Variants in GRM8 observed in about 807,000 individuals in gnomAD.
GRM8 encodes the protein metabotropic glutamate receptor 8.
A neutral mutation model predicts 87.2 loss-of-function variants in GRM8; 47 were observed. The ratio of observed to expected loss-of-function variants is 0.54; its 90% CI spans 0.43 to 0.69. The LOEUF is 0.69. GRM8 is among the 30% of genes least tolerant of loss of function. The pLI is 0.00. For missense variants in GRM8, 1,019 were observed against 1,139.2 expected, an observed-to-expected ratio of 0.89 and a Z score of 1.52; for synonymous variants, 396 against 404.5, an observed-to-expected ratio of 0.98 and a Z score of 0.25.
intron 6 of GRM8, among the ~76,000 whole-genome samples, chr7:126,865,939 C>A (rs139854533): frequency 6.6e-6 from 1 of 152,130 alleles, no homozygotes; most frequent in Non-Finnish European, 1.5e-5. Context: ...CTCTTAGGTA[C>A]ACAGCTAAGA....
At chr7:127,011,484 T>C (rs1249751741) in intron 3 of GRM8, among the ~76,000 whole-genome samples, 1 of 152,176 alleles carries the variant, frequency 6.6e-6, no homozygotes, top group African/African-American at 2.4e-5. Flanking sequence ...TATATAATGT[T>C]TATTAAACTA....
intron 2 of GRM8, among the ~76,000 whole-genome samples, chr7:127,107,879 T>C (rs1186627693): frequency 6.6e-6 from 1 of 152,208 alleles, no homozygotes; most frequent in African/African-American, 2.4e-5. Flanking sequence ...TCCTAAAACG[T>C]AAAAGTCATC....
At chr7:126,509,975 A>T (rs1028612450) in intron 9 of GRM8, among the ~76,000 whole-genome samples, 3 of 152,074 alleles carry the variant, frequency 2.0e-5, no homozygotes, top group African/African-American at 7.2e-5. Context: ...GGAAGCTTTA[A>T]GCACATACAC....
At chr7:127,148,431 A>T (rs1387879552) in intron 2 of GRM8, among the ~76,000 whole-genome samples, 1 of 151,962 alleles carries the variant, frequency 6.6e-6, no homozygotes, top group Non-Finnish European at 1.5e-5. Context: ...AAAAAAAATA[A>T]TAAGGAAATA....
chr7:126,657,926 C>T (rs557064546), intron 7 of GRM8, among the ~76,000 whole-genome samples: 7 of 152,330 alleles, frequency 4.6e-5, no homozygotes, highest in Admixed American at 3.3e-4. Context: ...GATTTGTGTT[C>T]TCTAAAGCCG....
chr7:127,066,563 A>G (rs1821137016), intron 3 of GRM8, among the ~76,000 whole-genome samples: 1 of 152,182 alleles, frequency 6.6e-6, no homozygotes, highest in African/African-American at 2.4e-5. Context: ...TGAGTTATAT[A>G]GTGATGTTGT....
intron 7 of GRM8, among the ~76,000 whole-genome samples, chr7:126,623,300 A>G (rs1289010805): frequency 6.6e-6 from 1 of 152,206 alleles, no homozygotes; most frequent in African/African-American, 2.4e-5. Context: ...TAAAAAGTCT[A>G]AATTTTTTTA....
intron 8 of GRM8, among the ~76,000 whole-genome samples, chr7:126,573,609 G>T (rs1033251392): frequency 4.0e-5 from 6 of 150,922 alleles, no homozygotes; most frequent in Admixed American, 6.6e-5. Flanking sequence ...TTTTGAGACA[G>T]AGTCTCACTC....
At chr7:126,634,579 G>T (rs1801662546) in intron 7 of GRM8, among the ~76,000 whole-genome samples, 1 of 152,022 alleles carries the variant, frequency 6.6e-6, no homozygotes, top group Non-Finnish European at 1.5e-5. Flanking sequence ...CTCAAAATTG[G>T]TGTACCAGAG....
intron 2 of GRM8, among the ~76,000 whole-genome samples, chr7:127,150,931 A>T (rs1460906148): frequency 1.3e-5 from 2 of 152,130 alleles, no homozygotes; most frequent in Non-Finnish European, 2.9e-5. Context: ...TGGTGAGTCT[A>T]TGAAATGCTG....
At chr7:127,076,135 C>G in intron 3 of GRM8, 1 of 456,414 alleles carries the variant, frequency 2.2e-6, no homozygotes, top group South Asian at 1.5e-5. Context: ...ACAGTTTGAG[C>G]ATCTGACAGC....
At chr7:126,811,691 A>G (rs568964482) in intron 6 of GRM8, among the ~76,000 whole-genome samples, 5 of 151,984 alleles carry the variant, frequency 3.3e-5, no homozygotes, top group African/African-American at 9.6e-5. Context: ...TACAAAGTTT[A>G]CTTATTTTTA....
At chr7:127,055,924 T>C (rs11563758) in intron 3 of GRM8, among the ~76,000 whole-genome samples, 9,861 of 152,244 alleles carry the variant, frequency 0.065, 332 homozygotes, top group South Asian at 0.13. Flanking sequence ...TAGCTTATGA[T>C]TTCTGTACAA....
rs552647927 is a variant in GRM8 at position 127,212,943 on chromosome 7, C to T, written c.510+29752G>A. Among the ~76,000 whole-genome samples, 4 of 152,258 alleles carry T rather than the reference C, an allele frequency of 2.6e-5. No homozygotes were observed. The South Asian group carries it at 8.3e-4, about 32-fold the overall frequency. On this transcript the variant is annotated intron_variant, in intron 2 of 10. Transcript: ENST00000339582. Reference sequence around the variant, plus strand: ...ATTAAATTCTGAGGTCCTGAATCTCCTCTGTAAATTCAACAGATAGATTTC... The same window carrying T: ...ATTAAATTCTGAGGTCCTGAATCTCTTCTGTAAATTCAACAGATAGATTTC...
intron 7 of GRM8, among the ~76,000 whole-genome samples, chr7:126,705,866 A>T (rs1008539716): frequency 1.3e-5 from 2 of 152,128 alleles, no homozygotes; most frequent in African/African-American, 4.8e-5. Flanking sequence ...AGAAACCAAG[A>T]GTTTTTTTAA....
intron 3 of GRM8, among the ~76,000 whole-genome samples, chr7:127,099,357 G>GA (rs1305122916): frequency 6.6e-6 from 1 of 152,084 alleles, no homozygotes; most frequent in Non-Finnish European, 1.5e-5. Context: ...AATTAGGCCA[G>GA]AAAAAAATCT....
intron 2 of GRM8, among the ~76,000 whole-genome samples, chr7:127,167,345 T>G (rs1192703749): frequency 1.3e-5 from 2 of 152,192 alleles, no homozygotes; most frequent in Non-Finnish European, 2.9e-5. Flanking sequence ...TTGTTGTGGT[T>G]ACTGTTGGGT....
At chr7:126,892,058 T>C (rs1309342698) in intron 6 of GRM8, among the ~76,000 whole-genome samples, 1 of 144,790 alleles carries the variant, frequency 6.9e-6, no homozygotes, top group African/African-American at 2.5e-5. Context: ...AATAAACTAA[T>C]AATTTTTTAG....
At chr7:127,081,052 T>C (rs1822811233) in intron 3 of GRM8, among the ~76,000 whole-genome samples, 1 of 152,228 alleles carries the variant, frequency 6.6e-6, no homozygotes, top group South Asian at 2.1e-4. Flanking sequence ...TCAGCAGCGA[T>C]ATTTAAGGGA....
Sources: gnomAD v4.1 joint callset for allele counts (sites outside exome capture counted in the v4.1 genomes callset) on GRCh38, gnomAD v4.1.1 for gene constraint, MANE v1.5 for transcripts, NCBI Gene and HGNC (gene_info 2026-07-23, HGNC 2026-07-21) for gene names.